Variants in ARHGAP30 observed in about 807,000 individuals in gnomAD.
ARHGAP30 encodes Rho GTPase activating protein 30.
Under a neutral mutation model 72.0 loss-of-function variants are expected in ARHGAP30, and 23 were observed. The ratio of observed to expected loss-of-function variants is 0.32; its 90% CI spans 0.23 to 0.45. The LOEUF (loss-of-function observed/expected upper bound fraction) is 0.45, where lower values mean the gene tolerates loss of function less well. Among genes scored for constraint, ARHGAP30 ranks in the 20% least tolerant of loss-of-function variants. The probability of loss-of-function intolerance (pLI) is 1.00; values close to 1 mark genes in which losing one functional copy is unlikely to be tolerated. For missense variants in ARHGAP30, 1,319 were observed against 1,383.4 expected (o/e 0.95, Z 0.74); for synonymous variants, 576 against 528.2 (o/e 1.09, Z -1.24).
chr1:161,054,430 A>G lies in ARHGAP30; in HGVS notation c.472T>C (p.Phe158Leu), dbSNP rs1651675979. Reference sequence around the variant, plus strand: ...GCATGCATGTTGGTCTGGGCACTGAATGAGGCCATGTGTACCAAGTGCCTC... The same window carrying G: ...GCATGCATGTTGGTCTGGGCACTGAGTGAGGCCATGTGTACCAAGTGCCTC... Reference protein sequence around the residue: ...LMRHLVHMASFSAQTNMHARN... With the variant: ...LMRHLVHMASLSAQTNMHARN... Residue 158 changes from phenylalanine (F) to leucine (L), a missense_variant, in exon 5 of 12, where the codon TTC (phenylalanine) becomes CTC (leucine). Transcript: ENST00000368013. 5 of 1,613,936 alleles carry G rather than the reference A, an allele frequency of 3.1e-6. No homozygotes were observed. In the African/African-American group the frequency reaches 5.3e-5, roughly 17 times the overall value.
Position 161,052,486 on chromosome 1 carries a change from A to G in ARHGAP30, c.894T>C (p.Ser298=), listed in dbSNP as rs1482678414. 2.0e-5 allele frequency: 33 copies of G among 1,613,338 alleles called. No homozygotes were observed. Among genetic ancestry groups the G allele is most frequent in the Non-Finnish European group, 2.6e-5 (31 of 1,179,946 alleles). Residue 298 remains serine (S), a synonymous_variant, in exon 8 of 12, where the codon TCT becomes TCC. Transcript: ENST00000368013. ...GAAGTTTACGCTTAGTCTCATGGCC[A>G]GAGCGACCTAAATTGAAGATAGACC... is the stretch of plus-strand genomic sequence containing the variant. ...KWRSIFNLGR[S]GHETKRKLPR...
At chr1:161,053,462 T>TTCTCTCCCTCTCTC (rs1443836067) in intron 5 of ARHGAP30, 77 bp from the exon 6 acceptor site, 79 of 692,976 alleles carry the variant, frequency 1.1e-4, no homozygotes, top group Non-Finnish European at 5.2e-5. Context: ...AAATACCTTA[T>TTCTCTCCCTCTCTC]TCTCTCTCTC....
At chr1:161,063,813 C>T (rs576065174) in intron 1 of ARHGAP30, among the ~76,000 whole-genome samples, 10 of 152,274 alleles carry the variant, frequency 6.6e-5, no homozygotes, top group Middle Eastern at 3.4e-3. Flanking sequence ...CCCCCCCCAC[C>T]GGGGCGTACC....
chr1:161,060,269 CA>C (rs59790446), intron 1 of ARHGAP30: 107,328 of 364,968 alleles, frequency 0.29, 5,116 homozygotes, highest in Non-Finnish European at 0.34. Context: ...GACCCTGTTT[CA>C]AAAAAAAAAA....
chr1:161,053,496 C>CTCTCTCTCTCTG lies in ARHGAP30; in HGVS notation c.537-112_537-111insCAGAGAGAGAGA, dbSNP rs1571085595. On this transcript the variant is annotated intron_variant, in intron 5 of 11. Transcript: ENST00000368013. ...TCTCTCTCTCTCTCTCTCTCTCTCT[C>CTCTCTCTCTCTG]TCTCTCTCTCGAATGACCTTAACCC... 1.1e-4 allele frequency: 100 copies of CTCTCTCTCTCTG among 927,726 alleles called. No individual in the cohort carries two copies. The East Asian group carries it at 6.7e-3, about 62-fold the overall frequency. The allele number at this position is 927,726 out of a possible 1,614,324, so 57.5% of individuals were successfully genotyped here. A position where few individuals can be genotyped will look rare whatever the true frequency, so the allele number is the denominator to read the frequency against.
At chr1:161,051,233 A>C in intron 10 of ARHGAP30, 81 bp downstream of exon 10, 2 of 1,501,070 alleles carry the variant, frequency 1.3e-6, no homozygotes, top group Non-Finnish European at 1.8e-6. Context: ...TGCCCTTCCT[A>C]GGGTGGATCT....
intron 1 of ARHGAP30, among the ~76,000 whole-genome samples, chr1:161,067,168 TA>T (rs1652832186): frequency 6.6e-6 from 1 of 151,844 alleles, no homozygotes; most frequent in African/African-American, 2.4e-5. Flanking sequence ...AGATCAGAGA[TA>T]AAACCTACAG....
In ARHGAP30 at chr1:161,056,358, T is replaced by C. The variant is rs763775746; in HGVS notation, c.345+30A>G. On this transcript the variant is annotated intron_variant, in intron 3 of 11. Coordinates refer to ENST00000368013, the MANE Select transcript of ARHGAP30 (RefSeq NM_001025598.2). ...AACCAGGCTGTCCACCCCTGAGCCC[T>C]GTCTTCCACCCCTCGGCCTCTCAAC... 1.2e-5 allele frequency: 20 copies of C among 1,609,478 alleles called. No homozygotes were observed. In the South Asian group the frequency reaches 2.0e-4, roughly 16 times the overall value.
At position 161,052,362 on chromosome 1, in the gene ARHGAP30, C is replaced by T; in HGVS notation, c.942G>A (p.Glu314=). The T allele has an allele frequency of 1.9e-6, 3 of 1,614,068 alleles. No individual in the cohort carries two copies. The highest frequency in any genetic ancestry group is 1.1e-5 in the South Asian group (1 of 91,076). Residue 314 remains glutamate, a splice_region_variant and synonymous_variant, in exon 9 of 12, where the codon GAG becomes GAA. Coordinates refer to ENST00000368013, the MANE Select transcript of ARHGAP30 (RefSeq NM_001025598.2). The part of the protein sequence containing the change: ...RKLPRGAEDR[E]DKSNKGTLRP... ...GCAGTGTCCCCTTGTTGGATTTATC[C>T]TCTGTAAGACAGGGATGTGTGTAGA...
chr1:161,052,361 C>A lies in ARHGAP30; in HGVS notation c.943G>T (p.Asp315Tyr), dbSNP rs776085885. ...KLPRGAEDRE[D>Y]KSNKGTLRPA... is the part of the protein sequence containing the mutation. ...CGCAGTGTCCCCTTGTTGGATTTAT[C>A]CTCTGTAAGACAGGGATGTGTGTAG... The change falls in exon 9 of 12, where the codon GAT becomes TAT. Residue 315 changes from aspartate (D) to tyrosine (Y), a missense_variant and splice_region_variant. Physicochemically the swap from Asp to Tyr is radical, Grantham distance 160. Transcript: ENST00000368013. The A allele has an allele frequency of 6.2e-7, 1 of 1,614,060 alleles. No homozygotes were observed. Among genetic ancestry groups the A allele is most frequent in the Non-Finnish European group, 8.5e-7 (1 of 1,180,034 alleles).
rs747297606 is a variant in ARHGAP30 at position 161,049,080 on chromosome 1, C to G, written c.1941G>C (p.Gln647His). The change falls in exon 12 of 12, where the codon CAG becomes CAC. Residue 647 changes from glutamine (Q) to histidine (H), a missense_variant. Transcript: ENST00000368013. ...CCCAGCATGCCTGCTCTTCCCCACC[C>G]TGTCCCAGAGCCTGCCTTCCACATC... ...AAGCGRQALG[Q>H]GGEEQACWEV... 1.2e-6 allele frequency: 2 copies of G among 1,614,154 alleles called. No homozygotes were observed. The highest frequency in any genetic ancestry group is 1.7e-6 in the Non-Finnish European group (2 of 1,179,994).
chr1:161,055,875 TAAAATAA>T lies in ARHGAP30; in HGVS notation c.345+506_345+512del, dbSNP rs1229792718. Among the ~76,000 whole-genome samples the T allele has an allele frequency of 8.6e-4, 99 of 115,130 alleles. 3 individuals carry two copies. In the East Asian group the frequency reaches 8.9e-3, roughly 10 times the overall value. 75.5% of individuals were successfully genotyped at this position (115,130 alleles called of 152,430 possible). On this transcript the variant is annotated intron_variant, in intron 3 of 11. Transcript: ENST00000368013. ...ATAAAATAAATAAAATAAAATAAAA[TAAAATAA>T]AAATAAATAAAATAAAATAAAATAA...
In ARHGAP30 at chr1:161,048,114, G is replaced by A. The variant is rs1197733776; in HGVS notation, c.2907C>T (p.Gly969=). The part of the protein sequence containing the change: ...VAPANPCPRP[G]RLDGTPGERA... ...TTTCTCCAGGAGTCCCATCAAGCCG[G>A]CCAGGCCTCGGGCATGGATTTGCAG... The change falls in exon 12 of 12, where the codon GGC becomes GGT. Residue 969 remains glycine (G), a synonymous_variant. Transcript: ENST00000368013. 1 of 1,614,148 alleles carries A rather than the reference G, an allele frequency of 6.2e-7. No homozygotes were observed. The highest frequency in any genetic ancestry group is 1.1e-5 in the South Asian group (1 of 91,082).
intron 1 of ARHGAP30, among the ~76,000 whole-genome samples, chr1:161,062,383 C>G (rs950923785): frequency 1.3e-5 from 2 of 152,106 alleles, no homozygotes; most frequent in African/African-American, 2.4e-5. Flanking sequence ...ATTCCCGTGC[C>G]TGGAATTACC....
In ARHGAP30 at chr1:161,048,632, C is replaced by G. The variant is rs61733353; in HGVS notation, c.2389G>C (p.Asp797His). 2,347 of 1,614,070 alleles carry G rather than the reference C, an allele frequency of 1.5e-3. 26 individuals carry two copies. In the African/African-American group the frequency reaches 0.027, roughly 19 times the overall value. Residue 797 changes from aspartate (D) to histidine (H), a missense_variant, in exon 12 of 12, where the codon GAT becomes CAT. By Grantham distance (81) the Asp-to-His change is moderately conservative. This residue lies in a region of ARHGAP30 where 1,097 missense variants were observed against 1,045.2 expected (regional missense o/e 1.05). Coordinates refer to ENST00000368013, the MANE Select transcript of ARHGAP30 (RefSeq NM_001025598.2). ...TTCTCCCTCTGTCCTTTGTCCTCAT[C>G]CTCTCTGACTCCCTCAGCCTCTTGT... ...QKQEAEGVRE[D>H]EDKGQREKGY...
At chr1:161,053,462 T>TTCTCTCTCTCTCTCTCTCTCTCTC (rs57196073) in intron 5 of ARHGAP30, 77 bp from the exon 6 acceptor site, 4 of 692,942 alleles carry the variant, frequency 5.8e-6, no homozygotes, top group Non-Finnish European at 6.5e-6. Flanking sequence ...AAATACCTTA[T>TTCTCTCTCTCTCTCTCTCTCTCTC]TCTCTCTCTC....
Position 161,049,327 on chromosome 1 carries a change from T to A in ARHGAP30, c.1694A>T (p.Glu565Val). 6.2e-7 allele frequency: 1 copy of A among 1,612,698 alleles called. No homozygotes were observed. The highest frequency in any genetic ancestry group is 8.5e-7 in the Non-Finnish European group (1 of 1,179,242). Reference protein sequence around the residue: ...ELLGVGPQVEEFSVEPPLDDL... With the variant: ...ELLGVGPQVEVFSVEPPLDDL... ...ATCCAGGGGTGGCTCCACAGAGAAC[T>A]CCTCCACCTGTAGGCACAGCATTGT... Residue 565 changes from glutamate (E) to valine (V), a missense_variant, in exon 12 of 12, where the codon GAG becomes GTG. Coordinates refer to ENST00000368013, the MANE Select transcript of ARHGAP30 (RefSeq NM_001025598.2).
At chr1:161,055,376 CCAT>C (rs1184920457) in intron 3 of ARHGAP30, among the ~76,000 whole-genome samples, 1 of 152,076 alleles carries the variant, frequency 6.6e-6, no homozygotes, top group Admixed American at 6.6e-5. Flanking sequence ...GCCTGTAGTC[CCAT>C]CTACTCAGGA....
chr1:161,068,616 G>T (rs528895358), intron 1 of ARHGAP30, among the ~76,000 whole-genome samples: 170 of 152,306 alleles, frequency 1.1e-3, no homozygotes, highest in Non-Finnish European at 2.1e-3. Context: ...GGAGGAGCTT[G>T]AAGTGCCAAA....
Sources: allele counts gnomAD v4.1 joint callset (sites outside exome capture counted in the v4.1 genomes callset), GRCh38; gene constraint gnomAD v4.1.1; regional missense constraint gnomAD v4.1.1; transcripts MANE v1.5; gene names NCBI Gene and HGNC (gene_info 2026-07-23, HGNC 2026-07-21).